Variants in MMP26 observed in about 807,000 individuals in gnomAD.
MMP26 encodes matrix metallopeptidase 26.
In MMP26, 33 loss-of-function variants were observed where a neutral mutation model predicts 31.0. The ratio of observed to expected loss-of-function variants is 1.06; its 90% CI spans 0.81 to 1.42. The LOEUF (loss-of-function observed/expected upper bound fraction) is 1.42. MMP26 is among the 40% of genes most tolerant of loss of function. The pLI is 0.00. For missense variants in MMP26, 347 were observed against 316.1 expected (o/e 1.10, Z -0.74); for synonymous variants, 122 against 114.9 (o/e 1.06, Z -0.40).
chr11:4,801,791 C>T (rs142532516), intron 2 of MMP26, among the ~76,000 whole-genome samples: 299 of 152,144 alleles, frequency 2.0e-3, no homozygotes, highest in African/African-American at 6.4e-3. Context: ...CCGCCTGCCT[C>T]GGCTCCCGAA....
chr11:4,860,879 TC>T (rs1850144173), intron 2 of MMP26, among the ~76,000 whole-genome samples: 1 of 152,018 alleles, frequency 6.6e-6, no homozygotes, highest in African/African-American at 2.4e-5. Context: ...CATATAGTTT[TC>T]AAGTTTTAGC....
intron 1 of MMP26, among the ~76,000 whole-genome samples, chr11:4,756,350 A>G (rs957845568): frequency 6.6e-6 from 1 of 152,080 alleles, no homozygotes; most frequent in Non-Finnish European, 1.5e-5. Flanking sequence ...CAGGTACAGT[A>G]AACAAAAATA....
intron 2 of MMP26, among the ~76,000 whole-genome samples, chr11:4,795,810 G>A (rs551723865): frequency 4.6e-5 from 7 of 151,422 alleles, no homozygotes; most frequent in African/African-American, 1.7e-4. Context: ...GGGAGAGGAC[G>A]AAGGGGACAG....
At chr11:4,896,033 C>A (rs1351028632) in intron 2 of MMP26, among the ~76,000 whole-genome samples, 2 of 150,318 alleles carry the variant, frequency 1.3e-5, no homozygotes, top group African/African-American at 4.9e-5. Context: ...TCCTGCACTT[C>A]CCATTGAAAC....
Position 4,842,522 on chromosome 11 carries a change from G to C in MMP26, c.-145+75181G>C, listed in dbSNP as rs544747874. On this transcript the variant is annotated intron_variant, in intron 2 of 7. Transcript: ENST00000380390. ...GGAGAGAGACAGAGTGAAGAGGGAA[G>C]TGCCACACACTTTTAAATCATCAGA... Among the ~76,000 whole-genome samples, 23 of 152,274 alleles carry C rather than the reference G, an allele frequency of 1.5e-4. No homozygotes were observed. In the South Asian group the frequency reaches 4.6e-3, roughly 30 times the overall value.
Position 4,971,450 on chromosome 11 carries a change from A to C in MMP26, c.-144-16618A>C, listed in dbSNP as rs149771980. Among the ~76,000 whole-genome samples, 189 of 152,324 alleles carry C rather than the reference A, an allele frequency of 1.2e-3. 1 individual carries two copies. Among genetic ancestry groups the C allele is most frequent in the African/African-American group, 4.3e-3 (178 of 41,578 alleles). On this transcript the variant is annotated intron_variant, in intron 2 of 7. Coordinates refer to ENST00000380390, the MANE Select transcript of MMP26 (RefSeq NM_021801.5). ...AAGAAAAAATTACTTATGATGCTTA[A>C]AGAACAGTAAGAAAAACTTTATTAA...
intron 2 of MMP26, among the ~76,000 whole-genome samples, chr11:4,978,517 C>T (rs74054416): frequency 0.049 from 7,463 of 152,022 alleles, 625 homozygotes; most frequent in African/African-American, 0.17. Flanking sequence ...CCAACAGTGC[C>T]CAGCACAGTG....
intron 2 of MMP26, chr11:4,786,957 G>C (rs895219269): frequency 6.5e-6 from 1 of 152,844 alleles, no homozygotes; most frequent in Non-Finnish European, 1.5e-5. Flanking sequence ...TCTTCATGCT[G>C]TCTGCCGCTG....
At chr11:4,796,613 G>A (rs572988783) in intron 2 of MMP26, among the ~76,000 whole-genome samples, 6 of 152,240 alleles carry the variant, frequency 3.9e-5, no homozygotes, top group African/African-American at 1.2e-4. Context: ...TACTTTCTCT[G>A]TGTTGGGAGG....
At chr11:4,705,972 G>GGGTGGT (rs1173525508) in intron 1 of MMP26, among the ~76,000 whole-genome samples, 1 of 150,778 alleles carries the variant, frequency 6.6e-6, no homozygotes, top group Non-Finnish European at 1.5e-5. Context: ...TGGTGGGGGC[G>GGGTGGT]GGTGGTGGTG....
At chr11:4,805,806 C>T (rs1465540079) in intron 2 of MMP26, among the ~76,000 whole-genome samples, 1 of 152,142 alleles carries the variant, frequency 6.6e-6, no homozygotes, top group Non-Finnish European at 1.5e-5. Context: ...TGTCTCTATT[C>T]ATCTTACCTG....
chr11:4,904,990 C>T (rs1850861708), intron 2 of MMP26, among the ~76,000 whole-genome samples: 1 of 152,084 alleles, frequency 6.6e-6, no homozygotes, highest in Admixed American at 6.6e-5. Flanking sequence ...CGTTATAAAA[C>T]ACTGCAGAAT....
chr11:4,923,796 G>T (rs745650846), intron 2 of MMP26: 2 of 1,614,016 alleles, frequency 1.2e-6, no homozygotes, highest in Non-Finnish European at 1.7e-6. Context: ...TCCAGGTGAA[G>T]ACAATAAGCA....
intron 2 of MMP26, among the ~76,000 whole-genome samples, chr11:4,940,842 T>A (rs945126187): frequency 2.6e-5 from 4 of 152,116 alleles, no homozygotes; most frequent in Non-Finnish European, 4.4e-5. Flanking sequence ...TTAGCCAGTA[T>A]ATCCAGAGGC....
Position 4,992,217 on chromosome 11 carries a change from A to G in MMP26, c.761A>G (p.Glu254Gly). Residue 254 changes from glutamate (E) to glycine (G), a missense_variant, in exon 8 of 8, where the codon GAA becomes GGA. Transcript: ENST00000380390. ...DIQRIQHLYGEKCSSDIP is the reference protein window; with the variant it reads ...DIQRIQHLYGGKCSSDIP Reference sequence around the variant, plus strand: ...TTTTTTTTTTCTGTTTCCATAGGAGAAAAATGTTCATCTGACATACCTTAA... The same window carrying G: ...TTTTTTTTTTCTGTTTCCATAGGAGGAAAATGTTCATCTGACATACCTTAA... 5 of 1,610,154 alleles carry G rather than the reference A, an allele frequency of 3.1e-6. No homozygotes were observed. The highest frequency in any genetic ancestry group is 4.2e-6 in the Non-Finnish European group (5 of 1,177,906).
At chr11:4,766,541 G>A (rs1848630875) in intron 1 of MMP26, among the ~76,000 whole-genome samples, 1 of 152,102 alleles carries the variant, frequency 6.6e-6, no homozygotes, top group Admixed American at 6.6e-5. Context: ...TCTTAAATAA[G>A]TTCATTCTTT....
chr11:4,758,888 G>A (rs1848537610), intron 1 of MMP26, among the ~76,000 whole-genome samples: 1 of 151,954 alleles, frequency 6.6e-6, no homozygotes, highest in African/African-American at 2.4e-5. Flanking sequence ...GAGGCGGGCA[G>A]ATCACCTGAG....
intron 2 of MMP26, among the ~76,000 whole-genome samples, chr11:4,897,451 C>A (rs1326380355): frequency 6.6e-6 from 1 of 152,098 alleles, no homozygotes; most frequent in Non-Finnish European, 1.5e-5. Context: ...ATTTTTAATC[C>A]ATTGTGACAA....
chr11:4,881,900 A>T (rs374794229), intron 2 of MMP26: 9 of 1,610,814 alleles, frequency 5.6e-6, no homozygotes, highest in Middle Eastern at 1.7e-4. Context: ...TCAACCAACC[A>T]TGGCAATATT....
Sources: allele counts gnomAD v4.1 joint callset (sites outside exome capture counted in the v4.1 genomes callset), GRCh38; gene constraint gnomAD v4.1.1; transcripts MANE v1.5; gene names NCBI Gene and HGNC (gene_info 2026-07-23, HGNC 2026-07-21).